The following GRIK4 variants were observed in gnomAD, a reference collection of about 807,000 sequenced individuals.
GRIK4 encodes the protein glutamate receptor ionotropic, kainate 4.
Under a neutral mutation model 104.9 loss-of-function variants are expected in GRIK4, and 40 were observed. The observed-to-expected ratio is 0.38, with a 90% CI of 0.30 to 0.50. The LOEUF (loss-of-function observed/expected upper bound fraction) is 0.50. Among genes scored for constraint, GRIK4 ranks in the 20% least tolerant of loss-of-function variants. The pLI is 0.93. For missense variants in GRIK4, 1,047 were observed against 1,308.1 expected, an observed-to-expected ratio of 0.80 and a Z score of 3.08; for synonymous variants, 485 against 524.9, an observed-to-expected ratio of 0.92 and a Z score of 1.04.
At chr11:120,543,211 A>G (rs1948054061) in intron 1 of GRIK4, among the ~76,000 whole-genome samples, 1 of 152,222 alleles carries the variant, frequency 6.6e-6, no homozygotes, top group African/African-American at 2.4e-5. Flanking sequence ...AAACCCTGTG[A>G]CATGTATTTA....
At position 120,564,184 on chromosome 11, in the gene GRIK4, G is replaced by A. The variant is rs1327786465; in HGVS notation, c.-159+52297G>A. On this transcript the variant is annotated intron_variant, in intron 1 of 20. Coordinates refer to ENST00000527524, the MANE Select transcript of GRIK4 (RefSeq NM_014619.5). ...TCTCCCCACGTGCGCGCTAGGCCTT[G>A]GTTACTCTGGCAACTCGCCCCGCTC... 4.6e-5 allele frequency among the ~76,000 whole-genome samples: 7 copies of A among 152,296 alleles called. No individual in the cohort carries two copies. The East Asian group carries it at 9.7e-4, about 21-fold the overall frequency.
At chr11:120,521,027 A>C (rs761051515) in intron 1 of GRIK4, among the ~76,000 whole-genome samples, 2 of 152,180 alleles carry the variant, frequency 1.3e-5, no homozygotes, top group Non-Finnish European at 2.9e-5. Context: ...GTGGGAGGTC[A>C]GCACAACTCT....
chr11:120,519,873 TTTTTTTG>T (rs762741249), intron 1 of GRIK4, among the ~76,000 whole-genome samples: 1,960 of 107,002 alleles, frequency 0.018, 27 homozygotes, highest in South Asian at 0.082. Flanking sequence ...TGGTTTTTTT[TTTTTTTG>T]TTTTTTTTTT....
intron 1 of GRIK4, among the ~76,000 whole-genome samples, chr11:120,581,958 C>A (rs1263611525): frequency 6.6e-6 from 1 of 152,036 alleles, no homozygotes; most frequent in African/African-American, 2.4e-5. Flanking sequence ...AGGTGCCCAC[C>A]ACCACGCCCG....
chr11:120,867,600 C>G (rs1410003586), intron 9 of GRIK4, among the ~76,000 whole-genome samples: 1 of 152,032 alleles, frequency 6.6e-6, no homozygotes, highest in Non-Finnish European at 1.5e-5. Flanking sequence ...CCTCACCTTC[C>G]GGGTCGGGCC....
intron 9 of GRIK4, among the ~76,000 whole-genome samples, chr11:120,864,166 C>T (rs190590657): frequency 7.9e-5 from 12 of 152,006 alleles, no homozygotes; most frequent in African/African-American, 1.9e-4. Flanking sequence ...CTCCCAGCTG[C>T]GTCTGCTGTT....
chr11:120,728,235 A>G (rs995414309), intron 3 of GRIK4, among the ~76,000 whole-genome samples: 1 of 152,176 alleles, frequency 6.6e-6, no homozygotes, highest in African/African-American at 2.4e-5. Context: ...CTACAGTCAT[A>G]TGTTATGAGA....
chr11:120,669,434 T>C (rs1949976462), intron 3 of GRIK4, among the ~76,000 whole-genome samples: 1 of 152,222 alleles, frequency 6.6e-6, no homozygotes, highest in South Asian at 2.1e-4. Flanking sequence ...TGATTTTTCT[T>C]CTTCCTTTTA....
chr11:120,918,396 G>A (rs1213680639), intron 13 of GRIK4, among the ~76,000 whole-genome samples: 2 of 152,104 alleles, frequency 1.3e-5, no homozygotes, highest in Admixed American at 1.3e-4. Context: ...TTCCATATTG[G>A]TTGTGCCTTC....
At chr11:120,928,907 C>G (rs901156955) in intron 13 of GRIK4, among the ~76,000 whole-genome samples, 26 of 152,022 alleles carry the variant, frequency 1.7e-4, no homozygotes, top group Non-Finnish European at 2.8e-4. Flanking sequence ...TAGGCCTGGC[C>G]CAGTGAGCAG....
intron 3 of GRIK4, among the ~76,000 whole-genome samples, chr11:120,683,388 G>T (rs1218237602): frequency 6.6e-6 from 1 of 152,118 alleles, no homozygotes; most frequent in African/African-American, 2.4e-5. Context: ...GAAGGGAGGA[G>T]AGACCTTGGG....
intron 8 of GRIK4, among the ~76,000 whole-genome samples, chr11:120,845,663 A>G (rs921160675): frequency 6.6e-6 from 1 of 151,982 alleles, no homozygotes; most frequent in Non-Finnish European, 1.5e-5. Context: ...ACACACACAC[A>G]CACACACACA....
intron 1 of GRIK4, among the ~76,000 whole-genome samples, chr11:120,593,060 G>T (rs1388207614): frequency 6.6e-6 from 1 of 151,792 alleles, no homozygotes; most frequent in Non-Finnish European, 1.5e-5. Flanking sequence ...GCGCACTCCT[G>T]TAATCCCACC....
At chr11:120,729,515 T>C (rs1951090985) in intron 3 of GRIK4, among the ~76,000 whole-genome samples, 1 of 152,232 alleles carries the variant, frequency 6.6e-6, no homozygotes, top group Non-Finnish European at 1.5e-5. Context: ...TCATCAGTGA[T>C]GTTGAGCACC....
Position 120,871,475 on chromosome 11 carries a change from T to G in GRIK4, c.907-2591T>G, listed in dbSNP as rs1477406686. ...AGTAGAAGATGATGGATGGAGGGAC[T>G]CGGGAGTGTGGTGGCTCAGCCCACC... On this transcript the variant is annotated intron_variant, in intron 9 of 20. Coordinates refer to ENST00000527524, the MANE Select transcript of GRIK4 (RefSeq NM_014619.5). 4.6e-5 allele frequency: 18 copies of G among 392,928 alleles called. 1 individual carries two copies. The highest frequency in any genetic ancestry group is 3.4e-4 in the South Asian group (18 of 52,924). 24.3% of individuals were successfully genotyped at this position (392,928 alleles called of 1,614,324 possible).
At chr11:120,582,949 G>A (rs1470917347) in intron 1 of GRIK4, among the ~76,000 whole-genome samples, 1 of 152,188 alleles carries the variant, frequency 6.6e-6, no homozygotes, top group Admixed American at 6.5e-5. Flanking sequence ...TTCCACAATG[G>A]CTGAATTAAT....
intron 13 of GRIK4, among the ~76,000 whole-genome samples, chr11:120,938,850 A>G (rs953384313): frequency 5.3e-5 from 8 of 152,234 alleles, no homozygotes; most frequent in Non-Finnish European, 8.8e-5. Context: ...TTTTACAAAT[A>G]TAGATTCCTG....
Position 120,766,718 on chromosome 11 carries a change from C to CTT in GRIK4, c.83-35975_83-35974insTT, listed in dbSNP as rs1565340209. Among the ~76,000 whole-genome samples, 3 of 151,988 alleles carry CTT rather than the reference C, an allele frequency of 2.0e-5. No individual in the cohort carries two copies. In the East Asian group the frequency reaches 5.8e-4, roughly 30 times the overall value. On this transcript the variant is annotated intron_variant, in intron 3 of 20. Coordinates refer to ENST00000527524, the MANE Select transcript of GRIK4 (RefSeq NM_014619.5). ...TTGGCTAGGGGAGGTAGTTCTCTGA[C>CTT]CCTTTGCACTTCCTGGGTGAGACGA... is the stretch of plus-strand genomic sequence containing the variant.
intron 11 of GRIK4, chr11:120,894,281 TG>T (rs564469699): frequency 1.4e-3 from 208 of 152,258 alleles, no homozygotes; most frequent in African/African-American, 4.6e-3. Context: ...ATTTTATAGA[TG>T]GGGGAAACAG....
Sources: allele counts gnomAD v4.1 joint callset (sites outside exome capture counted in the v4.1 genomes callset), GRCh38; gene constraint gnomAD v4.1.1; transcripts MANE v1.5; gene names NCBI Gene and HGNC (gene_info 2026-07-23, HGNC 2026-07-21).